Variants in SNRNP200 observed in about 807,000 individuals in gnomAD.
The protein encoded by SNRNP200 is U5 small nuclear ribonucleoprotein 200 kDa helicase.
Under a neutral mutation model 255.2 loss-of-function variants are expected in SNRNP200, and 66 were observed. The observed-to-expected ratio is 0.26, with a 90% CI of 0.21 to 0.32. The LOEUF is 0.32. Among genes scored for constraint, SNRNP200 ranks in the 10% least tolerant of loss-of-function variants. SNRNP200 has a pLI of 1.00. For synonymous variants in SNRNP200, 939 were observed against 1,027.8 expected (o/e 0.91, Z 1.65); for missense variants, 1,585 against 2,749.8 (o/e 0.58, Z 9.47).
At chr2:96,300,186 C>T (rs2063943783) in intron 5 of SNRNP200, among the ~76,000 whole-genome samples, 1 of 152,238 alleles carries the variant, frequency 6.6e-6, no homozygotes, top group South Asian at 2.1e-4. Context: ...CTCTAAGGCA[C>T]TGTAATTTTC....
chr2:96,276,920 G>A lies in SNRNP200; in HGVS notation c.6158C>T (p.Ala2053Val). 6.2e-7 allele frequency: 1 copy of A among 1,614,058 alleles called. No individual in the cohort carries two copies. The highest frequency in any genetic ancestry group is 8.5e-7 in the Non-Finnish European group (1 of 1,180,012). The change falls in exon 43 of 45, where the codon GCG becomes GTG. Residue 2053 changes from alanine (A) to valine (V), a missense_variant. This residue lies in a region of SNRNP200 where 279 missense variants were observed against 551.2 expected (regional missense o/e 0.51). Transcript: ENST00000323853. ...AGGACGCACCTGCGGGAAGAGAGGCGCAATGACAGGGCCTGTGACTTCCTC... is the reference window on the plus strand; with the variant it reads ...AGGACGCACCTGCGGGAAGAGAGGCACAATGACAGGGCCTGTGACTTCCTC... ...REEEVTGPVI[A>V]PLFPQKREEG...
chr2:96,305,009 G>A, intron 1 of SNRNP200, 141 bp from the exon 2 acceptor site: 2 of 1,002,900 alleles, frequency 2.0e-6, no homozygotes, highest in Non-Finnish European at 3.0e-6. Context: ...TTTTCCTTAA[G>A]AATTGCATAG....
At position 96,297,425 on chromosome 2, in the gene SNRNP200, G is replaced by A. The variant is rs199661848; in HGVS notation, c.1315C>T (p.Arg439Cys). 5 of 1,614,048 alleles carry A rather than the reference G, an allele frequency of 3.1e-6. No individual in the cohort carries two copies. The highest frequency in any genetic ancestry group is 4.2e-6 in the Non-Finnish European group (5 of 1,180,032). Residue 439 changes from arginine (R) to cysteine (C), a missense_variant, in exon 11 of 45, where the codon CGT becomes TGT. Arg to Cys is a radical substitution (Grantham distance 180). Coordinates refer to ENST00000323853, the MANE Select transcript of SNRNP200 (RefSeq NM_014014.5). ...QLPDGSFRRQRKGYEEVHVPA... is the reference protein window; with the variant it reads ...QLPDGSFRRQCKGYEEVHVPA... ...ACATGCACCTCTTCATAGCCCTTAC[G>A]CTGGCGACGGAAGGATCCATCAGGA... is the stretch of plus-strand genomic sequence containing the variant.
At chr2:96,301,821 A>C (rs1328972214) in intron 3 of SNRNP200, 105 bp from the exon 4 acceptor site, 12 of 1,116,168 alleles carry the variant, frequency 1.1e-5, no homozygotes. Context: ...CCTCTTCAAA[A>C]CCTGCCACAT....
At chr2:96,304,247 TA>T (rs200819222) in intron 2 of SNRNP200, among the ~76,000 whole-genome samples, 3,730 of 143,520 alleles carry the variant, frequency 0.026, 145 homozygotes, top group African/African-American at 0.089. Flanking sequence ...CAAGAAATCT[TA>T]AAAAAAAAAA....
chr2:96,305,069 A>T (rs2063978741), intron 1 of SNRNP200, among the ~76,000 whole-genome samples: 1 of 152,190 alleles, frequency 6.6e-6, no homozygotes, highest in Non-Finnish European at 1.5e-5. Flanking sequence ...TGCGCTGTCG[A>T]ATCAGCTAAA....
chr2:96,282,034 G>A (rs901963219), intron 34 of SNRNP200, 112 bp from the exon 35 acceptor site: 8 of 774,218 alleles, frequency 1.0e-5, no homozygotes, highest in African/African-American at 3.4e-5. Flanking sequence ...AGAACTCACA[G>A]CAAGGCTGGC....
intron 6 of SNRNP200, 93 bp from the exon 7 acceptor site, chr2:96,299,060 A>G (rs2063936926): frequency 1.3e-6 from 2 of 1,513,844 alleles, no homozygotes; most frequent in Admixed American, 1.7e-5. Flanking sequence ...TTGACAATCC[A>G]TAGCCCACCT....
rs540028393 is a variant in SNRNP200, at chr2:96,296,658, T to C, written c.1549A>G (p.Met517Val). The C allele has an allele frequency of 3.1e-6, 5 of 1,614,176 alleles. No homozygotes were observed. In the African/African-American group the frequency reaches 4.0e-5, roughly 13 times the overall value. Residue 517 changes from methionine (M) to valine (V), a missense_variant, in exon 13 of 45, where the codon ATG becomes GTG. Transcript: ENST00000323853. ...AGKTNVALMC[M>V]LREIGKHINM... is the part of the protein sequence containing the mutation. Reference sequence around the variant, plus strand: ...ATGTGTTTCCCAATCTCTCGGAGCATGCACATCAGGGCCACGTTGGTCTTC... The same window carrying C: ...ATGTGTTTCCCAATCTCTCGGAGCACGCACATCAGGGCCACGTTGGTCTTC...
In SNRNP200 at chr2:96,286,770, C is replaced by T. The variant is rs1269445488; in HGVS notation, c.3747G>A (p.Glu1249=). The change falls in exon 28 of 45, where the codon GAG becomes GAA. Residue 1249 remains glutamate, a synonymous_variant. Coordinates refer to ENST00000323853, the MANE Select transcript of SNRNP200 (RefSeq NM_014014.5). This position sits in a 1 kb window ranked among gnomAD's most constrained non-coding sequence, Gnocchi z 4.8. ...CAGGCACGAAGAATGTAATGAGGTG[C>T]TCGTCCTGGGCGTACTTGGCCTTGA... ...FLLKAKYAQD[E]HLITFFVPVF... is the part of the protein sequence containing the mutation. 2.5e-6 allele frequency: 4 copies of T among 1,614,114 alleles called. No homozygotes were observed. Among genetic ancestry groups the T allele is most frequent in the East Asian group, 2.2e-5 (1 of 44,902 alleles).
At chr2:96,289,643 C>T (rs866877961) in intron 21 of SNRNP200, among the ~76,000 whole-genome samples, 156 bp downstream of exon 21, 4 of 152,122 alleles carry the variant, frequency 2.6e-5, no homozygotes, top group Non-Finnish European at 2.9e-5. Context: ...GAATTATCCA[C>T]CTCAAGTTAT....
At chr2:96,279,587 A>G in intron 35 of SNRNP200, 28 bp from the exon 36 acceptor site, 1 of 1,472,696 alleles carries the variant, frequency 6.8e-7, no homozygotes, top group Non-Finnish European at 9.5e-7. Flanking sequence ...GAAAGAAGGA[A>G]AAGCCACCTC....
Position 96,278,212 on chromosome 2 carries a change from C to T in SNRNP200, c.5610+25G>A, listed in dbSNP as rs763523907. On this transcript the variant is annotated intron_variant, in intron 39 of 44. Transcript: ENST00000323853. This position sits in a 1 kb window ranked among gnomAD's most constrained non-coding sequence, Gnocchi z 6.9. ...GGCCGAGTTTGTTGTTCCCAGGATG[C>T]TCTCCTGAAGTCTGCTGTCCTCACC... is the stretch of plus-strand genomic sequence containing the variant. 6.2e-7 allele frequency: 1 copy of T among 1,614,060 alleles called. No homozygotes were observed. Among genetic ancestry groups the T allele is most frequent in the Non-Finnish European group, 8.5e-7 (1 of 1,180,010 alleles).
In SNRNP200 at chr2:96,289,232, T is replaced by C; in HGVS notation, c.3088A>G (p.Arg1030Gly). ...LSSEFKNITV[R>G]EEEKLELQKL... ...ATCATGCTGCATAGGCTCACCTCTC[T>C]CACTGTGATGTTCTTGAACTCAGAG... Residue 1030 changes from arginine to glycine, a missense_variant, in exon 22 of 45, where the codon AGA becomes GGA. This residue lies in a region of SNRNP200 where 719 missense variants were observed against 1,091.1 expected (regional missense o/e 0.66). Coordinates refer to ENST00000323853, the MANE Select transcript of SNRNP200 (RefSeq NM_014014.5). 6.2e-7 allele frequency: 1 copy of C among 1,614,214 alleles called. No homozygotes were observed. The highest frequency in any genetic ancestry group is 8.5e-7 in the Non-Finnish European group (1 of 1,180,042).
At chr2:96,295,857 C>G (rs1212050641) in intron 13 of SNRNP200, among the ~76,000 whole-genome samples, 199 bp from the exon 14 acceptor site, 2 of 152,126 alleles carry the variant, frequency 1.3e-5, no homozygotes, top group African/African-American at 4.8e-5. Context: ...GACAAAAGAT[C>G]TCTGGGGGCC....
chr2:96,303,842 T>G (rs2063969970), intron 2 of SNRNP200, among the ~76,000 whole-genome samples: 1 of 143,078 alleles, frequency 7.0e-6, no homozygotes, highest in African/African-American at 2.6e-5. Flanking sequence ...GTGAGAGAGA[T>G]CACGCCACTG....
At chr2:96,292,865 T>C in intron 16 of SNRNP200, 107 bp downstream of exon 16, 2 of 1,341,396 alleles carry the variant, frequency 1.5e-6, no homozygotes, top group Non-Finnish European at 2.1e-6. Flanking sequence ...ATTGGTGATT[T>C]ATGTTGTGTC....
In SNRNP200 at chr2:96,298,257, A is replaced by G. The variant is rs778171888; in HGVS notation, c.1119+27T>C. 2.5e-6 allele frequency: 4 copies of G among 1,614,204 alleles called. No individual in the cohort carries two copies. The South Asian group carries it at 3.3e-5, about 13-fold the overall frequency. ...TCTAGCCACCGTTAGCTCAGAAATC[A>G]GACAGATAAACCAACCCAGTCCTTA... On this transcript the variant is annotated intron_variant, in intron 9 of 44. Transcript: ENST00000323853.
At chr2:96,299,148 T>C (rs2063937502) in intron 6 of SNRNP200, among the ~76,000 whole-genome samples, 181 bp from the exon 7 acceptor site, 1 of 152,114 alleles carries the variant, frequency 6.6e-6, no homozygotes, top group Non-Finnish European at 1.5e-5. Context: ...TTCATCAACA[T>C]ACATCTTTGG....
Sources: allele counts gnomAD v4.1 joint callset (sites outside exome capture counted in the v4.1 genomes callset), GRCh38; gene constraint gnomAD v4.1.1; regional missense constraint gnomAD v4.1.1; non-coding constraint Gnocchi (gnomAD v3.1); transcripts MANE v1.5; gene names NCBI Gene and HGNC (gene_info 2026-07-23, HGNC 2026-07-21).